Variants in KCNT2 observed in about 807,000 individuals in gnomAD.
KCNT2 encodes the protein potassium sodium-activated channel subfamily T member 2, also known as potassium channel subfamily T member 2.
Under a neutral mutation model 153.8 loss-of-function variants are expected in KCNT2, and 67 were observed. The ratio of observed to expected loss-of-function variants is 0.44; its 90% confidence interval spans 0.36 to 0.53. KCNT2 has a LOEUF of 0.53. Ranked by LOEUF, KCNT2 falls within the 20% of genes least tolerant of loss-of-function variation. The probability of loss-of-function intolerance (pLI) is 0.00; values close to 1 mark genes in which losing one functional copy is unlikely to be tolerated. For missense variants in KCNT2, 975 were observed against 1,354.8 expected, an observed-to-expected ratio of 0.72 and a Z score of 4.40; for synonymous variants, 500 against 458.8, an observed-to-expected ratio of 1.09 and a Z score of -1.15.
intron 15 of KCNT2, among the ~76,000 whole-genome samples, chr1:196,341,137 A>G (rs1044711284): frequency 2.0e-5 from 3 of 152,040 alleles, no homozygotes; most frequent in African/African-American, 7.2e-5. Flanking sequence ...TGATAAACCC[A>G]GCATAAGTTG....
chr1:196,350,191 G>A (rs1273177963), intron 14 of KCNT2, among the ~76,000 whole-genome samples: 1 of 152,132 alleles, frequency 6.6e-6, no homozygotes, highest in Non-Finnish European at 1.5e-5. Flanking sequence ...CTTTATAGCA[G>A]CATGATTTAT....
Position 196,486,966 on chromosome 1 carries a change from G to T in KCNT2, c.275+2872C>A, listed in dbSNP as rs1406301799. On this transcript the variant is annotated intron_variant, in intron 3 of 27. Coordinates refer to ENST00000294725, the MANE Select transcript of KCNT2 (RefSeq NM_198503.5). Reference sequence around the variant, plus strand: ...GTATTTGAATCCTTTCAAAATATTGGAAACATTTAATCCCAGGTTAGACAA... The same window carrying T: ...GTATTTGAATCCTTTCAAAATATTGTAAACATTTAATCCCAGGTTAGACAA... Among the ~76,000 whole-genome samples the T allele has an allele frequency of 2.0e-5, 3 of 151,842 alleles. No homozygotes were observed. The South Asian group carries it at 6.2e-4, about 32-fold the overall frequency.
intron 1 of KCNT2, among the ~76,000 whole-genome samples, chr1:196,580,545 T>C (rs1241790902): frequency 6.6e-6 from 1 of 152,064 alleles, no homozygotes; most frequent in East Asian, 1.9e-4. Flanking sequence ...AAAATGAAAA[T>C]GTGTATATAC....
At chr1:196,491,643 T>C (rs1292450045) in intron 2 of KCNT2, among the ~76,000 whole-genome samples, 1 of 152,034 alleles carries the variant, frequency 6.6e-6, no homozygotes, top group Non-Finnish European at 1.5e-5. Context: ...TTGAATAGGC[T>C]CAGGAGGACA....
intron 1 of KCNT2, among the ~76,000 whole-genome samples, chr1:196,605,663 C>T (rs1665237112): frequency 6.6e-6 from 1 of 152,028 alleles, no homozygotes; most frequent in Admixed American, 6.5e-5. Flanking sequence ...GAATTGAGTC[C>T]AAGAAGATAA....
intron 25 of KCNT2, among the ~76,000 whole-genome samples, chr1:196,262,655 G>A (rs1048904092): frequency 6.6e-6 from 1 of 151,856 alleles, no homozygotes; most frequent in Non-Finnish European, 1.5e-5. Context: ...AAAGAAAGAT[G>A]TTTCACCAGT....
chr1:196,452,295 G>A (rs750942734), intron 8 of KCNT2, among the ~76,000 whole-genome samples: 13 of 151,918 alleles, frequency 8.6e-5, no homozygotes, highest in Non-Finnish European at 1.6e-4. Context: ...GAAACTCTGA[G>A]AACTAATAAC....
rs138598749 is a variant in KCNT2 at position 196,296,494 on chromosome 1, C to G, written c.2595+8740G>C. Among the ~76,000 whole-genome samples, 584 of 151,978 alleles carry G rather than the reference C, an allele frequency of 3.8e-3. 2 individuals are homozygous for G. The highest frequency in any genetic ancestry group is 0.014 in the African/African-American group (568 of 41,512). On this transcript the variant is annotated intron_variant, in intron 22 of 27. Transcript: ENST00000294725. ...GGAAGGACTTTAAATACAAATGATA[C>G]AAATTCTACATCTTGTGGAGAAATT... is the stretch of plus-strand genomic sequence containing the variant.
Position 196,280,773 on chromosome 1 carries a change from A to AT in KCNT2, c.2910+86dup, listed in dbSNP as rs1330821927. 7.1e-6 allele frequency: 9 copies of AT among 1,270,242 alleles called. No homozygotes were observed. The African/African-American group carries it at 9.0e-5, about 13-fold the overall frequency. The allele number at this position is 1,270,242 out of a possible 1,614,324, so 78.7% of individuals were successfully genotyped here. Reference sequence around the variant, plus strand: ...AGCATTCTTTTTCACTTTCTCTTGCATTTTTTATAAATCAGTTTATAAGCT... The same window carrying AT: ...AGCATTCTTTTTCACTTTCTCTTGCATTTTTTTATAAATCAGTTTATAAGCT... On this transcript the variant is annotated intron_variant, in intron 25 of 27. Transcript: ENST00000294725.
intron 1 of KCNT2, among the ~76,000 whole-genome samples, chr1:196,602,770 A>G (rs1379694901): frequency 1.2e-5 from 1 of 84,630 alleles, no homozygotes; most frequent in African/African-American, 5.3e-5. Context: ...TTCAAAGTCT[A>G]TTTTTTTTTT....
chr1:196,440,063 A>G (rs771400495), intron 8 of KCNT2, among the ~76,000 whole-genome samples: 5 of 152,066 alleles, frequency 3.3e-5, no homozygotes, highest in South Asian at 4.1e-4. Context: ...AAATAAACTA[A>G]AGACATTCAA....
At chr1:196,329,878 T>C (rs923055359) in intron 18 of KCNT2, among the ~76,000 whole-genome samples, 5 of 126,978 alleles carry the variant, frequency 3.9e-5, no homozygotes, top group African/African-American at 1.1e-4. Flanking sequence ...TATACACTTA[T>C]ATGTGTGTGT....
rs1264231654 is a variant in KCNT2 at position 196,228,025 on chromosome 1, G to T, written c.*199C>A. On this transcript the variant is annotated 3_prime_UTR_variant, in exon 28 of 28. Coordinates refer to ENST00000294725, the MANE Select transcript of KCNT2 (RefSeq NM_198503.5). ...AGCTTTTCAAATTTATTCCATTGAG[G>T]TCCTTCAAATATTAATAGGGAGAGT... is the stretch of plus-strand genomic sequence containing the variant. 5 of 389,072 alleles carry T rather than the reference G, an allele frequency of 1.3e-5. No individual in the cohort carries two copies. Among genetic ancestry groups the T allele is most frequent in the East Asian group, 4.0e-5 (1 of 25,264 alleles). The allele number at this position is 389,072 out of a possible 1,614,324, so 24.1% of individuals were successfully genotyped here. A position where few individuals can be genotyped will look rare whatever the true frequency, so the allele number is the denominator to read the frequency against.
At chr1:196,390,350 T>C (rs1670366653) in intron 13 of KCNT2, among the ~76,000 whole-genome samples, 1 of 151,554 alleles carries the variant, frequency 6.6e-6, no homozygotes, top group South Asian at 2.1e-4. Flanking sequence ...AGTTCAGTAC[T>C]CTAACAGAAT....
intron 21 of KCNT2, among the ~76,000 whole-genome samples, chr1:196,312,472 A>G (rs1662283784): frequency 6.6e-6 from 1 of 151,786 alleles, no homozygotes; most frequent in East Asian, 1.9e-4. Context: ...GTGATAAATA[A>G]AAGGCCTGTC....
At chr1:196,529,295 A>G (rs1654639715) in intron 1 of KCNT2, among the ~76,000 whole-genome samples, 1 of 152,196 alleles carries the variant, frequency 6.6e-6, no homozygotes, top group African/African-American at 2.4e-5. Flanking sequence ...GGATGAATAA[A>G]TAAGAGCAAA....
intron 5 of KCNT2, among the ~76,000 whole-genome samples, chr1:196,473,110 C>G (rs1384661874): frequency 6.6e-6 from 1 of 152,150 alleles, no homozygotes; most frequent in Non-Finnish European, 1.5e-5. Flanking sequence ...TATACTTTTG[C>G]ATATAACTCT....
chr1:196,319,892 C>T (rs1663115675), intron 19 of KCNT2, among the ~76,000 whole-genome samples: 1 of 151,434 alleles, frequency 6.6e-6, no homozygotes, highest in South Asian at 2.1e-4. Flanking sequence ...GCACAGGAGG[C>T]CTTGTAAAAT....
intron 14 of KCNT2, among the ~76,000 whole-genome samples, chr1:196,354,123 A>G (rs1666982938): frequency 6.6e-6 from 1 of 151,792 alleles, no homozygotes; most frequent in Admixed American, 6.6e-5. Context: ...TTTAATTTTC[A>G]TATTTTCTTT....
Sources: gnomAD v4.1 joint callset for allele counts (sites outside exome capture counted in the v4.1 genomes callset) on GRCh38, gnomAD v4.1.1 for gene constraint, MANE v1.5 for transcripts, NCBI Gene and HGNC (gene_info 2026-07-23, HGNC 2026-07-21) for gene names.